CSMD1: variants seen among roughly 807,000 people sequenced by gnomAD.
CSMD1 encodes the protein CUB and Sushi multiple domains 1, also known as CUB and sushi domain-containing protein 1.
Under a neutral mutation model 417.5 loss-of-function variants are expected in CSMD1, and 213 were observed. That is an observed-to-expected ratio of 0.51 (90% CI 0.46 to 0.57). The LOEUF is 0.57. Among genes scored for constraint, CSMD1 ranks in the 20% least tolerant of loss-of-function variants. The pLI, the probability that CSMD1 is intolerant of heterozygous loss-of-function variation, is 0.00. For missense variants in CSMD1, 6,923 were observed against 4,529.7 expected, an observed-to-expected ratio of 1.53 and a Z score of -15.17; for synonymous variants, 2,862 against 1,736.8, an observed-to-expected ratio of 1.65 and a Z score of -16.11.
chr8:3,928,447 C>A (rs932991806), intron 5 of CSMD1, among the ~76,000 whole-genome samples: 2 of 152,148 alleles, frequency 1.3e-5, no homozygotes, highest in African/African-American at 4.8e-5. Context: ...CCAGTAACTG[C>A]TGAATTAATT....
chr8:4,161,840 A>AT (rs918534749), intron 3 of CSMD1, among the ~76,000 whole-genome samples: 1 of 152,142 alleles, frequency 6.6e-6, no homozygotes, highest in Non-Finnish European at 1.5e-5. Flanking sequence ...ATGTCACTGC[A>AT]TTTTTTTCTT....
At chr8:3,006,713 T>C (rs952638393) in intron 52 of CSMD1, among the ~76,000 whole-genome samples, 17 of 151,608 alleles carry the variant, frequency 1.1e-4, no homozygotes, top group Non-Finnish European at 1.8e-4. Context: ...GAAAACTGGC[T>C]AGCCATATGT....
intron 37 of CSMD1, among the ~76,000 whole-genome samples, chr8:3,166,175 G>C (rs193009952): frequency 1.4e-4 from 21 of 152,048 alleles, no homozygotes; most frequent in Non-Finnish European, 2.1e-4. Flanking sequence ...CTTTTAAAAA[G>C]AATCATGTAC....
chr8:3,155,729 G>C (rs1280343277), intron 39 of CSMD1, among the ~76,000 whole-genome samples: 1 of 152,076 alleles, frequency 6.6e-6, no homozygotes, highest in African/African-American at 2.4e-5. Flanking sequence ...TGTTAATCTA[G>C]ACATTTATTT....
chr8:3,438,792 G>T (rs1814742162), intron 12 of CSMD1, among the ~76,000 whole-genome samples: 2 of 151,962 alleles, frequency 1.3e-5, no homozygotes, highest in Non-Finnish European at 2.9e-5. Flanking sequence ...CAATTGTCGG[G>T]TCATATGATA....
At chr8:3,486,646 C>T (rs1327002627) in intron 11 of CSMD1, among the ~76,000 whole-genome samples, 1 of 152,230 alleles carries the variant, frequency 6.6e-6, no homozygotes, top group Non-Finnish European at 1.5e-5. Context: ...TGAAATGGAG[C>T]ACCACCTTAT....
intron 1 of CSMD1, among the ~76,000 whole-genome samples, chr8:4,835,808 C>G (rs1390771233): frequency 6.6e-6 from 1 of 151,514 alleles, no homozygotes; most frequent in Non-Finnish European, 1.5e-5. Flanking sequence ...TATATCTCAT[C>G]AAGTATCCAG....
chr8:4,399,835 A>G (rs1162958849), intron 3 of CSMD1, among the ~76,000 whole-genome samples: 1 of 152,224 alleles, frequency 6.6e-6, no homozygotes, highest in Non-Finnish European at 1.5e-5. Flanking sequence ...TTTCTAAGCC[A>G]TTAAGGTGAG....
At chr8:3,346,986 G>A (rs1808047733) in intron 22 of CSMD1, among the ~76,000 whole-genome samples, 2 of 152,226 alleles carry the variant, frequency 1.3e-5, no homozygotes, top group South Asian at 4.1e-4. Context: ...TATAGCAGGG[G>A]AGTCCAATAT....
Position 4,154,132 on chromosome 8 carries a change from G to A in CSMD1, c.416-122033C>T, listed in dbSNP as rs1027809537. On this transcript the variant is annotated intron_variant, in intron 3 of 69. Coordinates refer to ENST00000635120, the MANE Select transcript of CSMD1 (RefSeq NM_033225.6). ...GAGTCTGGCTTCACAATCTGCGACA[G>A]CTGAGGGTGAGATATACAATTTTAC... 3.9e-5 allele frequency among the ~76,000 whole-genome samples: 6 copies of A among 152,154 alleles called. No individual in the cohort carries two copies. In the East Asian group the frequency reaches 7.7e-4, roughly 20 times the overall value.
chr8:4,063,172 A>G (rs1489815651), intron 3 of CSMD1, among the ~76,000 whole-genome samples: 2 of 152,186 alleles, frequency 1.3e-5, no homozygotes, highest in Non-Finnish European at 2.9e-5. Flanking sequence ...ATAAATGTTG[A>G]CAGTAATGGA....
intron 3 of CSMD1, among the ~76,000 whole-genome samples, chr8:4,082,883 T>C (rs1009561522): frequency 6.6e-6 from 1 of 151,382 alleles, no homozygotes; most frequent in African/African-American, 2.4e-5. Flanking sequence ...TTTGTCCTTG[T>C]GATACTTTAC....
At chr8:3,369,790 G>A (rs1385029626) in intron 18 of CSMD1, among the ~76,000 whole-genome samples, 1 of 152,202 alleles carries the variant, frequency 6.6e-6, no homozygotes, top group Non-Finnish European at 1.5e-5. Context: ...AAAGTTTTAT[G>A]TAATCATTTC....
intron 7 of CSMD1, among the ~76,000 whole-genome samples, chr8:3,658,441 C>G (rs1798237932): frequency 7.3e-6 from 1 of 137,852 alleles, no homozygotes; most frequent in Non-Finnish European, 1.5e-5. Context: ...TGAGCAAGCA[C>G]ATATATCTAT....
chr8:4,768,334 G>C (rs1254527928), intron 1 of CSMD1, among the ~76,000 whole-genome samples: 3 of 151,896 alleles, frequency 2.0e-5, no homozygotes, highest in South Asian at 2.1e-4. Context: ...CGTAACATGA[G>C]CCGGTACACA....
intron 3 of CSMD1, among the ~76,000 whole-genome samples, chr8:4,256,194 G>C (rs1296550565): frequency 6.6e-6 from 1 of 152,156 alleles, no homozygotes; most frequent in Non-Finnish European, 1.5e-5. Context: ...ATTTGTTTGT[G>C]ATTTGTCCTT....
chr8:4,942,075 C>T (rs1808041305), intron 1 of CSMD1, among the ~76,000 whole-genome samples: 1 of 152,192 alleles, frequency 6.6e-6, no homozygotes, highest in African/African-American at 2.4e-5. Context: ...AATCTCTCTT[C>T]ACTTCCTATT....
intron 26 of CSMD1, among the ~76,000 whole-genome samples, chr8:3,262,184 A>AAAAAT (rs1420684024): frequency 6.3e-5 from 4 of 63,176 alleles, no homozygotes; most frequent in African/African-American, 2.1e-4. Flanking sequence ...TGCTCATATG[A>AAAAAT]ATATATATAT....
At chr8:2,962,807 G>A (rs1332189051) in intron 60 of CSMD1, among the ~76,000 whole-genome samples, 168 bp from the exon 61 acceptor site, 1 of 152,200 alleles carries the variant, frequency 6.6e-6, no homozygotes, top group East Asian at 1.9e-4. Flanking sequence ...CCAACACTTT[G>A]GGAGGCAGAG....
Sources: allele counts gnomAD v4.1 joint callset (sites outside exome capture counted in the v4.1 genomes callset), GRCh38; gene constraint gnomAD v4.1.1; transcripts MANE v1.5; gene names NCBI Gene and HGNC (gene_info 2026-07-23, HGNC 2026-07-21).